CRB1: variants seen among roughly 807,000 people sequenced by gnomAD.
CRB1 encodes the protein protein crumbs homolog 1.
Under a neutral mutation model 120.0 loss-of-function variants are expected in CRB1, and 83 were observed. The observed-to-expected ratio is 0.69, with a 90% CI of 0.58 to 0.83. CRB1 has a LOEUF of 0.83. Ranked by LOEUF, CRB1 falls within the 40% of genes least tolerant of loss-of-function variation. The pLI is 0.00. For synonymous variants in CRB1, 625 were observed against 612.5 expected (o/e 1.02, Z -0.30); for missense variants, 1,699 against 1,687.6 (o/e 1.01, Z -0.12).
At chr1:197,411,552 A>G (rs1663713776) in intron 5 of CRB1, among the ~76,000 whole-genome samples, 1 of 152,176 alleles carries the variant, frequency 6.6e-6, no homozygotes, top group Non-Finnish European at 1.5e-5. Context: ...TCTTTAGTTG[A>G]CATGAGATCC....
the CRB1 span, among the ~76,000 whole-genome samples, chr1:197,253,761 T>C: frequency 6.6e-6 from 1 of 152,108 alleles, no homozygotes; most frequent in Non-Finnish European, 1.5e-5. Context: ...TGTTTTGAAT[T>C]TTTTTCTTAA....
At chr1:197,307,262 C>T (rs909973606) in intron 1 of CRB1, among the ~76,000 whole-genome samples, 2 of 152,106 alleles carry the variant, frequency 1.3e-5, no homozygotes, top group Non-Finnish European at 2.9e-5. Flanking sequence ...CAGCTAAAAC[C>T]TTGAGCAAAT....
intron 1 of CRB1, among the ~76,000 whole-genome samples, chr1:197,277,960 A>T (rs1391089044): frequency 6.6e-6 from 1 of 151,968 alleles, no homozygotes; most frequent in African/African-American, 2.4e-5. Flanking sequence ...CCACTAGGTT[A>T]TATTGCAACA....
intron 6 of CRB1, among the ~76,000 whole-genome samples, chr1:197,424,740 C>T (rs965207986): frequency 9.9e-5 from 15 of 152,186 alleles, no homozygotes; most frequent in African/African-American, 1.4e-4. Context: ...ATCTTATAAA[C>T]GCACATTTAG....
At chr1:197,399,914 A>G (rs930180436) in intron 5 of CRB1, among the ~76,000 whole-genome samples, 4 of 152,174 alleles carry the variant, frequency 2.6e-5, no homozygotes, top group Non-Finnish European at 5.9e-5. Context: ...GTGGAAGTCA[A>G]GATCTTTTGT....
intron 1 of CRB1, among the ~76,000 whole-genome samples, chr1:197,287,952 G>A (rs968195128): frequency 6.6e-6 from 1 of 151,810 alleles, no homozygotes; most frequent in African/African-American, 2.4e-5. Context: ...ATGAAGAGTA[G>A]TCATCCCTAA....
At chr1:197,415,637 TTTTC>T (rs1310319851) in intron 5 of CRB1, among the ~76,000 whole-genome samples, 2,329 of 114,548 alleles carry the variant, frequency 0.02, 89 homozygotes, top group African/African-American at 0.078. Context: ...TTCTTTTTTC[TTTTC>T]TTTTTTTTTT....
intron 5 of CRB1, among the ~76,000 whole-genome samples, chr1:197,384,898 T>C (rs1451240634): frequency 6.6e-6 from 1 of 152,142 alleles, no homozygotes; most frequent in Admixed American, 6.6e-5. Flanking sequence ...TTAAAGATTC[T>C]TGGATAGAAA....
chr1:197,397,219 A>G (rs1662816250), intron 5 of CRB1, among the ~76,000 whole-genome samples: 1 of 152,158 alleles, frequency 6.6e-6, no homozygotes, highest in Non-Finnish European at 1.5e-5. Context: ...CACATGAGAT[A>G]TCACTATGCA....
intron 11 of CRB1, among the ~76,000 whole-genome samples, chr1:197,474,924 C>T (rs976802589): frequency 6.6e-6 from 1 of 152,182 alleles, no homozygotes; most frequent in Non-Finnish European, 1.5e-5. Context: ...AGCCTTTTGA[C>T]CTTTCAAGCC....
intron 5 of CRB1, among the ~76,000 whole-genome samples, chr1:197,374,575 T>C (rs1661545400): frequency 6.6e-6 from 1 of 152,082 alleles, no homozygotes; most frequent in Admixed American, 6.6e-5. Flanking sequence ...GAAGTTGATG[T>C]TGTGGAATAG....
intron 4 of CRB1, among the ~76,000 whole-genome samples, chr1:197,354,559 G>A (rs898298053): frequency 4.6e-5 from 7 of 151,892 alleles, no homozygotes; most frequent in Admixed American, 2.6e-4. Flanking sequence ...CAACTCTTAA[G>A]ATGGCACGTC....
At chr1:197,265,099 G>T (rs989646394), upstream of CRB1, among the ~76,000 whole-genome samples, 5 of 152,056 alleles carry the variant, frequency 3.3e-5, no homozygotes, top group African/African-American at 4.8e-5. Flanking sequence ...CATGGCAGTG[G>T]GTTTCTAGTT....
intron 5 of CRB1, among the ~76,000 whole-genome samples, chr1:197,388,129 G>T (rs1050842154): frequency 1.3e-5 from 2 of 151,722 alleles, no homozygotes; most frequent in East Asian, 3.9e-4. Context: ...TGGACATTTA[G>T]GTAGAACCTA....
At position 197,371,809 on chromosome 1, in the gene CRB1, C is replaced by A. The variant is rs199941765; in HGVS notation, c.1171+14796C>A. On this transcript the variant is annotated intron_variant, in intron 5 of 11. Coordinates refer to ENST00000367400, the MANE Select transcript of CRB1 (RefSeq NM_201253.3). ...GGGAATTCATCGCTTTTACGGTAAG[C>A]AGTAAGAAGCCTGCTCCTTGTCCCA... 3.0e-3 allele frequency among the ~76,000 whole-genome samples: 451 copies of A among 152,220 alleles called. 2 individuals carry two copies. The highest frequency in any genetic ancestry group is 0.01 in the African/African-American group (433 of 41,534).
At position 197,268,329 on chromosome 1, in the gene CRB1, C is replaced by A; in HGVS notation, c.-84C>A. 1.0e-6 allele frequency: 1 copy of A among 1,000,110 alleles called. No homozygotes were observed. The highest frequency in any genetic ancestry group is 1.3e-5 in the South Asian group (1 of 78,290). 62.0% of individuals were successfully genotyped at this position (1,000,110 alleles called of 1,614,324 possible). A position where few individuals can be genotyped will look rare whatever the true frequency, so the allele number is the denominator to read the frequency against. On this transcript the variant is annotated 5_prime_UTR_variant, in exon 1 of 12. Coordinates refer to ENST00000367400, the MANE Select transcript of CRB1 (RefSeq NM_201253.3). ...ACCTGGGGGTTCTGAGGCACCCGCT[C>A]CTCTCTGAGACAGACAGGGATCAGG... is the stretch of plus-strand genomic sequence containing the variant.
intron 11 of CRB1, among the ~76,000 whole-genome samples, chr1:197,459,252 G>T (rs1666419698): frequency 4.6e-5 from 7 of 152,098 alleles, no homozygotes. Flanking sequence ...TGTGATTTAG[G>T]TATATGCCAT....
chr1:197,240,858 A>T, the CRB1 span, among the ~76,000 whole-genome samples: 1 of 152,152 alleles, frequency 6.6e-6, no homozygotes, highest in Non-Finnish European at 1.5e-5. Context: ...CTATTTCTCC[A>T]CATCCTCTCC....
chr1:197,312,372 T>A (rs959679137), intron 1 of CRB1, among the ~76,000 whole-genome samples: 30 of 152,122 alleles, frequency 2.0e-4, no homozygotes, highest in African/African-American at 7.2e-4. Context: ...GAGATAAGCC[T>A]GGCCAACATG....
Sources: allele counts gnomAD v4.1 joint callset (sites outside exome capture counted in the v4.1 genomes callset), GRCh38; gene constraint gnomAD v4.1.1; transcripts MANE v1.5; gene names NCBI Gene and HGNC (gene_info 2026-07-23, HGNC 2026-07-21).